The following KHNYN variants were observed in gnomAD, a reference collection of about 807,000 sequenced individuals.
KHNYN encodes the protein protein KHNYN.
A neutral mutation model predicts 62.7 loss-of-function variants in KHNYN; 42 were observed. The observed-to-expected ratio is 0.67, with a 90% CI of 0.52 to 0.87. The LOEUF (loss-of-function observed/expected upper bound fraction) is 0.87. Ranked by LOEUF, KHNYN falls within the 40% of genes least tolerant of loss-of-function variation. The probability of loss-of-function intolerance (pLI) is 0.00; values close to 1 mark genes in which losing one functional copy is unlikely to be tolerated. For synonymous variants in KHNYN, 347 were observed against 345.6 expected (o/e 1.00, Z -0.04); for missense variants, 829 against 874.1 (o/e 0.95, Z 0.65).
rs147741737 is a variant in KHNYN, at chr14:24,432,864, C to G, written c.1480+12C>G. The G allele has an allele frequency of 7.3e-4, 1,171 of 1,614,218 alleles. 8 individuals are homozygous for G. In the African/African-American group the frequency reaches 0.013, roughly 18 times the overall value. ...TGCCAAAGTCAGAGGTGAGTTGGGCCTGGTCTTCAGTGTCCCAGGATAGGC... is the reference window on the plus strand; with the variant it reads ...TGCCAAAGTCAGAGGTGAGTTGGGCGTGGTCTTCAGTGTCCCAGGATAGGC... On this transcript the variant is annotated intron_variant, in intron 4 of 7. Coordinates refer to ENST00000553935, the MANE Select transcript of KHNYN (RefSeq NM_015299.3). This position sits in a 1 kb window ranked among gnomAD's most constrained non-coding sequence, Gnocchi z 5.6.
chr14:24,440,147 A>G lies in KHNYN; in HGVS notation c.*2862A>G. The G allele has an allele frequency of 6.2e-7, 1 of 1,613,566 alleles. No individual in the cohort carries two copies. Reference sequence around the variant, plus strand: ...GAAGGAATACTGGTAGCCAGTGGCCAGTGTTCGCTGTGGGATCACCTTCTG... The same window carrying G: ...GAAGGAATACTGGTAGCCAGTGGCCGGTGTTCGCTGTGGGATCACCTTCTG... On this transcript the variant is annotated 3_prime_UTR_variant, in exon 8 of 8. Coordinates refer to ENST00000553935, the MANE Select transcript of KHNYN (RefSeq NM_015299.3).
chr14:24,429,288 G>A (rs2043061172), upstream of KHNYN: 1 of 697,210 alleles, frequency 1.4e-6, no homozygotes, highest in African/African-American at 1.8e-5. Context: ...TGGGCTTTGG[G>A]AGAGAAAGGA....
intron 2 of KHNYN, among the ~76,000 whole-genome samples, chr14:24,431,139 G>T (rs534345390): frequency 6.6e-6 from 1 of 152,184 alleles, no homozygotes; most frequent in African/African-American, 2.4e-5. Context: ...AATTTCTTCT[G>T]TGATGGCCCA....
chr14:24,430,160 G>A (rs1245591241), intron 1 of KHNYN, 41 bp downstream of exon 1: 15 of 982,926 alleles, frequency 1.5e-5, no homozygotes, highest in Non-Finnish European at 1.8e-5. Flanking sequence ...CGGGGAGCGG[G>A]GGCCGCGGTG....
At position 24,430,909 on chromosome 14, in the gene KHNYN, A is replaced by G. The variant is rs146817274; in HGVS notation, c.179A>G (p.Lys60Arg). The G allele has an allele frequency of 7.6e-5, 122 of 1,613,486 alleles. 1 individual carries two copies. The highest frequency in any genetic ancestry group is 6.8e-4 in the African/African-American group (51 of 75,044). The change falls in exon 2 of 8, where the codon AAG (lysine) becomes AGG (arginine). Residue 60 changes from lysine to arginine, a missense_variant. Physicochemically the swap from Lys to Arg is conservative, Grantham distance 26. Coordinates refer to ENST00000553935, the MANE Select transcript of KHNYN (RefSeq NM_015299.3). ...ATCTGGCTGCAGCTGGAGGGCCCCAAGGAAAACGCCAGCAGAGCCAAGGTG... is the reference window on the plus strand; with the variant it reads ...ATCTGGCTGCAGCTGGAGGGCCCCAGGGAAAACGCCAGCAGAGCCAAGGTG... ...PHIWLQLEGP[K>R]ENASRAKEYL...
chr14:24,434,413 G>A (rs984412475), intron 5 of KHNYN: 1 of 979,780 alleles, frequency 1.0e-6, no homozygotes, highest in East Asian at 1.1e-4. Context: ...ATTTTTTTTT[G>A]GTTTGTTTTT....
At position 24,441,159 on chromosome 14, in the gene KHNYN, A is replaced by T; in HGVS notation, c.*3874A>T. On this transcript the variant is annotated 3_prime_UTR_variant, in exon 8 of 8. Transcript: ENST00000553935. ...GGCTGCTAGAGTGTAGTGGTTAAGA[A>T]CAGGAACTTGGGTACCAGGCGCCTG... The T allele has an allele frequency of 1.6e-6, 1 of 613,406 alleles. No individual in the cohort carries two copies. Among genetic ancestry groups the T allele is most frequent in the Non-Finnish European group, 2.9e-6 (1 of 342,884 alleles). The allele number at this position is 613,406 out of a possible 1,614,324, so 38.0% of individuals were successfully genotyped here. A position where few individuals can be genotyped will look rare whatever the true frequency, so the allele number is the denominator to read the frequency against.
At position 24,440,253 on chromosome 14, in the gene KHNYN, G is replaced by A. The variant is rs976930611; in HGVS notation, c.*2968G>A. The stretch of plus-strand genomic sequence containing the variant: ...CTGGGGAGAGGGATGAAGGCTCGGC[G>A]GCCCAGGGCAGCACCCAAGGTCTGG... On this transcript the variant is annotated 3_prime_UTR_variant, in exon 8 of 8. Coordinates refer to ENST00000553935, the MANE Select transcript of KHNYN (RefSeq NM_015299.3). 8 of 1,613,798 alleles carry A rather than the reference G, an allele frequency of 5.0e-6. No individual in the cohort carries two copies. The highest frequency in any genetic ancestry group is 2.7e-5 in the African/African-American group (2 of 75,030).
Position 24,437,386 on chromosome 14 carries a change from A to C in KHNYN, c.*101A>C. On this transcript the variant is annotated 3_prime_UTR_variant, in exon 8 of 8. Transcript: ENST00000553935. This position sits in a 1 kb window ranked among gnomAD's most constrained non-coding sequence, Gnocchi z 5.5. The stretch of plus-strand genomic sequence containing the variant: ...CTGCTGCTCACTCTGATCCAGAGGC[A>C]CCCTGAGTTGGTGCTTTGGATCAGG... The C allele has an allele frequency of 1.2e-5, 17 of 1,417,244 alleles. No homozygotes were observed. Among genetic ancestry groups the C allele is most frequent in the Admixed American group, 8.9e-5 (4 of 44,852 alleles). 87.8% of individuals were successfully genotyped at this position (1,417,244 alleles called of 1,614,324 possible).
chr14:24,423,579 A>G, the KHNYN span, among the ~76,000 whole-genome samples: 1 of 152,188 alleles, frequency 6.6e-6, no homozygotes, highest in Non-Finnish European at 1.5e-5. Context: ...GGGCCATGGG[A>G]GCAGAACTGG....
chr14:24,436,543 A>C, intron 7 of KHNYN, 54 bp downstream of exon 7: 2 of 1,324,596 alleles, frequency 1.5e-6, no homozygotes, highest in Non-Finnish European at 2.1e-6. Flanking sequence ...GCCCTCTCTC[A>C]GCAGGCCCAG....
At position 24,432,056 on chromosome 14, in the gene KHNYN, C is replaced by T. The variant is rs776300668; in HGVS notation, c.795C>T (p.Pro265=). The change falls in exon 3 of 8, where the codon CCC becomes CCT. Residue 265 remains proline (P), a synonymous_variant. Transcript: ENST00000553935. The surrounding 1 kb of genome is among the most constrained non-coding windows in gnomAD (Gnocchi z 5.6). Reference sequence around the variant, plus strand: ...AGGAGGGAGGGAAACAGGGTGGTCCCAGGGAGATGGATTGGGGGTGGAAGG... The same window carrying T: ...AGGAGGGAGGGAAACAGGGTGGTCCTAGGGAGATGGATTGGGGGTGGAAGG... The part of the protein sequence containing the change: ...VEKEGGKQGG[P]REMDWGWKEL... The T allele has an allele frequency of 1.3e-6, 2 of 1,587,796 alleles. No homozygotes were observed. The highest frequency in any genetic ancestry group is 1.7e-5 in the Admixed American group (1 of 57,432).
In KHNYN at chr14:24,432,369, T is replaced by C; in HGVS notation, c.1108T>C (p.Cys370Arg). 1 of 1,613,806 alleles carries C rather than the reference T, an allele frequency of 6.2e-7. No homozygotes were observed. Among genetic ancestry groups the C allele is most frequent in the Non-Finnish European group, 8.5e-7 (1 of 1,179,922 alleles). ...PPPAPEPPWH[C>R]GDRGDCGDRG... ...ACCTGCACCGGAACCCCCATGGCACTGTGGAGACCGGGGTGACTGCGGAGA... is the reference window on the plus strand; with the variant it reads ...ACCTGCACCGGAACCCCCATGGCACCGTGGAGACCGGGGTGACTGCGGAGA... The change falls in exon 3 of 8, where the codon TGT (cysteine) becomes CGT (arginine). Residue 370 changes from cysteine to arginine, a missense_variant. Coordinates refer to ENST00000553935, the MANE Select transcript of KHNYN (RefSeq NM_015299.3). This position sits in a 1 kb window ranked among gnomAD's most constrained non-coding sequence, Gnocchi z 5.6.
Position 24,436,406 on chromosome 14 carries a change from T to A in KHNYN, c.1704T>A (p.Phe568Leu). Residue 568 changes from phenylalanine to leucine, a missense_variant, in exon 7 of 8, where the codon TTT (phenylalanine) becomes TTA (leucine). This residue lies in a region of KHNYN where 270 missense variants were observed against 347.1 expected (regional missense o/e 0.78). Coordinates refer to ENST00000553935, the MANE Select transcript of KHNYN (RefSeq NM_015299.3). ...IIRERLLPFTFVGNLFMVPDD... is the reference protein window; with the variant it reads ...IIRERLLPFTLVGNLFMVPDD... ...CATCCAGCCTGCTGCCCTTTACCTT[T>A]GTGGGAAACCTCTTCATGGTACCTG... 6.2e-7 allele frequency: 1 copy of A among 1,614,028 alleles called. No homozygotes were observed. The highest frequency in any genetic ancestry group is 8.5e-7 in the Non-Finnish European group (1 of 1,179,968).
chr14:24,426,306 G>A (rs912744450), upstream of KHNYN, among the ~76,000 whole-genome samples: 2 of 151,856 alleles, frequency 1.3e-5, no homozygotes, highest in Non-Finnish European at 2.9e-5. Context: ...CATGTTCTGG[G>A]CCTGGAGTTA....
chr14:24,425,804 C>G (rs11845606), upstream of KHNYN, among the ~76,000 whole-genome samples: 11,446 of 152,226 alleles, frequency 0.075, 494 homozygotes, highest in African/African-American at 0.12. Context: ...CTGACTAATC[C>G]ATTGTCTTAT....
rs773639690 is a variant in KHNYN at position 24,436,130 on chromosome 14, C to T, written c.1636C>T (p.Arg546Trp). The change falls in exon 6 of 8, where the codon CGG becomes TGG. Residue 546 changes from arginine (R) to tryptophan (W), a missense_variant. Physicochemically the swap from Arg to Trp is moderately radical, Grantham distance 101. Coordinates refer to ENST00000553935, the MANE Select transcript of KHNYN (RefSeq NM_015299.3). ...GATAATTGTCTCCAATGACCAGTTCCGGGACCTGGCGGAGGAGTCTGAGAA... is the reference window on the plus strand; with the variant it reads ...GATAATTGTCTCCAATGACCAGTTCTGGGACCTGGCGGAGGAGTCTGAGAA... ...DGIIVSNDQF[R>W]DLAEESEKWM... 8 of 1,614,110 alleles carry T rather than the reference C, an allele frequency of 5.0e-6. No homozygotes were observed. Among genetic ancestry groups the T allele is most frequent in the South Asian group, 1.1e-5 (1 of 91,082 alleles).
chr14:24,430,578 C>T, intron 1 of KHNYN, 136 bp from the exon 2 acceptor site: 1 of 1,439,706 alleles, frequency 6.9e-7, no homozygotes, highest in Non-Finnish European at 9.1e-7. Context: ...CCAGTGGACT[C>T]AGATGCTTGT....
At chr14:24,426,098 T>C (rs2043017668), upstream of KHNYN, among the ~76,000 whole-genome samples, 1 of 152,264 alleles carries the variant, frequency 6.6e-6, no homozygotes, top group Non-Finnish European at 1.5e-5. Flanking sequence ...CACTTTATAG[T>C]GACTTCTTCC....
Sources: allele counts gnomAD v4.1 joint callset (sites outside exome capture counted in the v4.1 genomes callset), GRCh38; gene constraint gnomAD v4.1.1; regional missense constraint gnomAD v4.1.1; non-coding constraint Gnocchi (gnomAD v3.1); transcripts MANE v1.5; gene names NCBI Gene and HGNC (gene_info 2026-07-23, HGNC 2026-07-21).